TP63: variants seen among roughly 807,000 people sequenced by gnomAD.
TP63 encodes tumor protein p63.
A neutral mutation model predicts 82.8 loss-of-function variants in TP63; 17 were observed. The observed-to-expected ratio is 0.21, with a 90% confidence interval of 0.14 to 0.31. TP63 has a LOEUF of 0.31. TP63 is among the 10% of genes least tolerant of loss of function. The pLI, the probability that TP63 is intolerant of heterozygous loss-of-function variation, is 1.00. For synonymous variants in TP63, 330 were observed against 321.7 expected, an observed-to-expected ratio of 1.03 and a Z score of -0.28; for missense variants, 648 against 895.3, an observed-to-expected ratio of 0.72 and a Z score of 3.52.
the TP63 span, among the ~76,000 whole-genome samples, chr3:189,619,664 G>A: frequency 2.6e-5 from 4 of 152,174 alleles, no homozygotes; most frequent in African/African-American, 9.6e-5. Context: ...TAACCATAAA[G>A]CTCTGCTATC....
At chr3:189,606,545 G>A in the TP63 span, among the ~76,000 whole-genome samples, 1 of 107,402 alleles carries the variant, frequency 9.3e-6, no homozygotes, top group Non-Finnish European at 1.7e-5. Context: ...ACAGAGTCTT[G>A]CTCTGTCACC....
intron 3 of TP63, among the ~76,000 whole-genome samples, chr3:189,800,635 G>A (rs1045333120): frequency 6.6e-6 from 1 of 152,084 alleles, no homozygotes; most frequent in African/African-American, 2.4e-5. Context: ...CAGATTTACT[G>A]GTTCGACATC....
chr3:189,892,875 G>T (rs1040234754), intron 13 of TP63, among the ~76,000 whole-genome samples: 1 of 152,100 alleles, frequency 6.6e-6, no homozygotes, highest in African/African-American at 2.4e-5. Flanking sequence ...AAGAGATTAG[G>T]AATACCTCTA....
chr3:189,754,921 G>T (rs895219630), intron 3 of TP63, among the ~76,000 whole-genome samples: 1 of 151,900 alleles, frequency 6.6e-6, no homozygotes, highest in African/African-American at 2.4e-5. Flanking sequence ...CCAGAAAACC[G>T]CTAAAATTCA....
At chr3:189,815,583 G>A (rs1560213106) in intron 4 of TP63, among the ~76,000 whole-genome samples, 1 of 152,176 alleles carries the variant, frequency 6.6e-6, no homozygotes, top group South Asian at 2.1e-4. Context: ...GGGTTTGCAT[G>A]TAATATCTTC....
intron 10 of TP63, chr3:189,873,461 A>G (rs978223324): frequency 9.9e-6 from 2 of 201,044 alleles, no homozygotes; most frequent in Non-Finnish European, 2.1e-5. Flanking sequence ...ATATAAAGTG[A>G]CTTGTTTGAA....
intron 4 of TP63, among the ~76,000 whole-genome samples, chr3:189,813,520 G>C (rs1727809789): frequency 6.6e-6 from 1 of 151,916 alleles, no homozygotes; most frequent in Non-Finnish European, 1.5e-5. Flanking sequence ...ACCTTTGCCA[G>C]TTGGAGAGCT....
At chr3:189,661,379 T>A (rs560236237) in intron 1 of TP63, among the ~76,000 whole-genome samples, 1 of 152,198 alleles carries the variant, frequency 6.6e-6, no homozygotes, top group South Asian at 2.1e-4. Flanking sequence ...CACATTTAAT[T>A]GATTTGTATA....
rs34836784 is a variant in TP63 at position 189,806,040 on chromosome 3, C to CTTTT, written c.325-2208_325-2205dup. On this transcript the variant is annotated intron_variant, in intron 3 of 13. Coordinates refer to ENST00000264731, the MANE Select transcript of TP63 (RefSeq NM_003722.5). ...ACCCAATAAACAACAGAAGCAAACACTTTTTTTTTTTTTTTTTTTTTTTTT... is the reference window on the plus strand; with the variant it reads ...ACCCAATAAACAACAGAAGCAAACACTTTTTTTTTTTTTTTTTTTTTTTTTTTTT... Among the ~76,000 whole-genome samples the CTTTT allele has an allele frequency of 3.1e-3, 162 of 52,068 alleles. 26 individuals are homozygous for CTTTT. Among genetic ancestry groups the CTTTT allele is most frequent in the African/African-American group, 0.013 (152 of 11,588 alleles). The allele number at this position is 52,068 out of a possible 152,430, so 34.2% of individuals were successfully genotyped here. A position where few individuals can be genotyped will look rare whatever the true frequency, so the allele number is the denominator to read the frequency against.
intron 1 of TP63, among the ~76,000 whole-genome samples, chr3:189,652,036 A>G (rs1019728191): frequency 2.0e-5 from 3 of 146,916 alleles, no homozygotes; most frequent in South Asian, 4.5e-4. Flanking sequence ...GTAGAGCCTC[A>G]TGGAGAACCT....
At chr3:189,715,148 C>G (rs1718869757) in intron 1 of TP63, among the ~76,000 whole-genome samples, 1 of 152,038 alleles carries the variant, frequency 6.6e-6, no homozygotes, top group Admixed American at 6.5e-5. Flanking sequence ...CTCTCTTTAT[C>G]ATAGGCTGAA....
chr3:189,848,315 A>T (rs1259985916), intron 4 of TP63, among the ~76,000 whole-genome samples: 1 of 135,354 alleles, frequency 7.4e-6, no homozygotes, highest in African/African-American at 2.8e-5. Flanking sequence ...GCTCACTGTA[A>T]CCTCAACCTG....
intron 4 of TP63, among the ~76,000 whole-genome samples, chr3:189,841,852 G>T: frequency 6.6e-6 from 1 of 152,274 alleles, no homozygotes; most frequent in South Asian, 2.1e-4. Context: ...AGCTACCAGG[G>T]AAGGACTCCT....
chr3:189,808,412 C>G lies in TP63; in HGVS notation c.465C>G (p.Thr155=). The G allele has an allele frequency of 6.2e-7, 1 of 1,614,230 alleles. No homozygotes were observed. The highest frequency in any genetic ancestry group is 8.5e-7 in the Non-Finnish European group (1 of 1,180,050). Residue 155 remains threonine (T), a synonymous_variant, in exon 4 of 14, where the codon ACC becomes ACG. Transcript: ENST00000264731. ...CGCCCTACGCACAGCCCAGCTCCACCTTCGATGCTCTCTCTCCATCACCCG... is the reference window on the plus strand; with the variant it reads ...CGCCCTACGCACAGCCCAGCTCCACGTTCGATGCTCTCTCTCCATCACCCG... ...APSPYAQPSS[T]FDALSPSPAI... is the part of the protein sequence containing the mutation.
At chr3:189,705,432 T>C (rs1718124139) in intron 1 of TP63, among the ~76,000 whole-genome samples, 3 of 152,140 alleles carry the variant, frequency 2.0e-5, no homozygotes, top group South Asian at 4.1e-4. Flanking sequence ...CTTTTTTCAT[T>C]CTTATTCATT....
At chr3:189,682,353 CT>C (rs11356924) in intron 1 of TP63, among the ~76,000 whole-genome samples, 47,621 of 141,212 alleles carry the variant, frequency 0.34, 8,343 homozygotes, top group African/African-American at 0.47. Flanking sequence ...AAATCAGCAC[CT>C]TTTTTTTTTT....
rs538978555 is a variant in TP63, at chr3:189,651,295, C to T, written c.62+19718C>T. 2.7e-5 allele frequency among the ~76,000 whole-genome samples: 4 copies of T among 147,030 alleles called. 2 individuals are homozygous for T. The East Asian group carries it at 9.5e-4, about 35-fold the overall frequency. ...GTGCAGTGGCTCACACCTGTAATCC[C>T]AGCACTTTGGGAGGCCAAGGCAGGT... On this transcript the variant is annotated intron_variant, in intron 1 of 13. Coordinates refer to ENST00000264731, the MANE Select transcript of TP63 (RefSeq NM_003722.5).
At chr3:189,830,397 GA>G (rs1035344578) in intron 4 of TP63, among the ~76,000 whole-genome samples, 1 of 151,406 alleles carries the variant, frequency 6.6e-6, no homozygotes, top group African/African-American at 2.4e-5. Context: ...TATAAAATTT[GA>G]AAAAAAATGT....
intron 4 of TP63, among the ~76,000 whole-genome samples, chr3:189,863,403 G>T (rs2378528): frequency 0.13 from 19,993 of 152,108 alleles, 1,520 homozygotes; most frequent in African/African-American, 0.22. Context: ...CACAGGATGG[G>T]ATCTCTATCT....
Sources: allele counts gnomAD v4.1 joint callset (sites outside exome capture counted in the v4.1 genomes callset), GRCh38; gene constraint gnomAD v4.1.1; transcripts MANE v1.5; gene names NCBI Gene and HGNC (gene_info 2026-07-23, HGNC 2026-07-21).